The following HMGB1 variants were observed in gnomAD, a reference collection of about 807,000 sequenced individuals.
HMGB1 encodes high mobility group box 1.
For synonymous variants in HMGB1, 81 were observed against 84.0 expected (o/e 0.96, Z 0.19); for missense variants, 79 against 253.5 (o/e 0.31, Z 4.67).
At chr13:30,521,579 T>C (rs1002735784) in intron 1 of HMGB1, among the ~76,000 whole-genome samples, 2 of 152,242 alleles carry the variant, frequency 1.3e-5, no homozygotes, top group African/African-American at 4.8e-5. Flanking sequence ...ATAATATCAG[T>C]TGCATGGATA....
At chr13:30,500,296 C>T (rs7327038) in intron 1 of HMGB1, among the ~76,000 whole-genome samples, 12 of 152,076 alleles carry the variant, frequency 7.9e-5, no homozygotes, top group African/African-American at 2.7e-4. Flanking sequence ...TGTAAATTAC[C>T]GAGTCTCAGG....
intron 1 of HMGB1, among the ~76,000 whole-genome samples, chr13:30,580,499 G>A (rs991787580): frequency 2.6e-5 from 4 of 152,118 alleles, no homozygotes; most frequent in Admixed American, 2.6e-4. Flanking sequence ...GCATGATAAT[G>A]GAATTCACAG....
chr13:30,544,743 A>C (rs1319839820), intron 1 of HMGB1, among the ~76,000 whole-genome samples: 2 of 152,070 alleles, frequency 1.3e-5, no homozygotes, highest in African/African-American at 4.8e-5. Context: ...TGCTCTGTCA[A>C]ATCAATCGAA....
At chr13:30,616,376 T>A (rs1364933512) in intron 1 of HMGB1, among the ~76,000 whole-genome samples, 1 of 152,264 alleles carries the variant, frequency 6.6e-6, no homozygotes, top group South Asian at 2.1e-4. Flanking sequence ...GGTGATGTTG[T>A]TTTGCAGTCT....
rs1313808278 is a variant in HMGB1 at position 30,465,215 on chromosome 13, G to C, written c.-15+581C>G. ...CCCGGCCGCCGCCGCCGCCGCGACC[G>C]GGCCGAGGCCGGCCGGGCCCGCACT... On this transcript the variant is annotated intron_variant, in intron 1 of 4. Transcript: ENST00000341423. The C allele has an allele frequency of 1.2e-5, 7 of 561,126 alleles. No homozygotes were observed. The African/African-American group carries it at 1.5e-4, about 12-fold the overall frequency. 34.8% of individuals were successfully genotyped at this position (561,126 alleles called of 1,614,324 possible).
intron 1 of HMGB1, among the ~76,000 whole-genome samples, chr13:30,569,596 A>G (rs1183427687): frequency 6.6e-6 from 1 of 152,152 alleles, no homozygotes; most frequent in Non-Finnish European, 1.5e-5. Flanking sequence ...CAATGTTCAT[A>G]AGTGCGTCAC....
chr13:30,507,474 AG>A (rs1887894512), intron 1 of HMGB1, among the ~76,000 whole-genome samples: 1 of 152,244 alleles, frequency 6.6e-6, no homozygotes, highest in South Asian at 2.1e-4. Flanking sequence ...TGACTGAATG[AG>A]GGAACAAAGT....
chr13:30,571,162 T>C (rs1593318641), intron 1 of HMGB1, among the ~76,000 whole-genome samples: 1 of 152,192 alleles, frequency 6.6e-6, no homozygotes, highest in African/African-American at 2.4e-5. Context: ...ATTTGTGATA[T>C]ATATAGTCAT....
intron 1 of HMGB1, chr13:30,542,605 C>G (rs986616921): frequency 1.8e-5 from 3 of 164,774 alleles, no homozygotes; most frequent in African/African-American, 7.2e-5. Context: ...CTCTTCCTCT[C>G]GTCACTCACC....
chr13:30,518,869 A>G (rs1173686777), intron 1 of HMGB1, among the ~76,000 whole-genome samples: 1 of 149,104 alleles, frequency 6.7e-6, no homozygotes, highest in Non-Finnish European at 1.5e-5. Flanking sequence ...AAAAAGCTAC[A>G]TGCCACCACA....
intron 1 of HMGB1, among the ~76,000 whole-genome samples, chr13:30,515,374 C>T (rs901414615): frequency 6.6e-6 from 1 of 152,176 alleles, no homozygotes; most frequent in Admixed American, 6.5e-5. Context: ...GAACTTCTGA[C>T]CTACACAACT....
At position 30,541,067 on chromosome 13, in the gene HMGB1, T is replaced by C. The variant is rs144263979; in HGVS notation, c.-15+75604A>G. On this transcript the variant is annotated intron_variant, in intron 1 of 4. Transcript: ENST00000405805. Reference sequence around the variant, plus strand: ...CAAAAAATATGTTCATCTAGAAAACTGGACGTCATCCAAAAATGAAAAACA... The same window carrying C: ...CAAAAAATATGTTCATCTAGAAAACCGGACGTCATCCAAAAATGAAAAACA... 3.3e-3 allele frequency: 508 copies of C among 152,314 alleles called. 8 individuals carry two copies. Among genetic ancestry groups the C allele is most frequent in the African/African-American group, 0.012 (478 of 41,558 alleles). 9.4% of individuals were successfully genotyped at this position (152,314 alleles called of 1,614,324 possible).
intron 1 of HMGB1, among the ~76,000 whole-genome samples, chr13:30,479,428 C>T (rs1002644886): frequency 6.6e-6 from 1 of 152,176 alleles, no homozygotes; most frequent in Non-Finnish European, 1.5e-5. Flanking sequence ...TACCTCTTTC[C>T]GATTTCACTA....
chr13:30,515,290 T>C lies in HMGB1; in HGVS notation c.-14-51596A>G, dbSNP rs544607139. Reference sequence around the variant, plus strand: ...GAACCTGAATGAGCTTGGAAGTGGATGTGAGCTCAATTTGGCCAACACCTT... The same window carrying C: ...GAACCTGAATGAGCTTGGAAGTGGACGTGAGCTCAATTTGGCCAACACCTT... On this transcript the variant is annotated intron_variant, in intron 1 of 4. Transcript: ENST00000405805. 2.0e-5 allele frequency among the ~76,000 whole-genome samples: 3 copies of C among 152,300 alleles called. 1 individual carries two copies. The East Asian group carries it at 5.8e-4, about 29-fold the overall frequency.
chr13:30,598,964 GTGTA>G (rs1022140677), intron 1 of HMGB1, among the ~76,000 whole-genome samples: 1 of 151,740 alleles, frequency 6.6e-6, no homozygotes, highest in Non-Finnish European at 1.5e-5. Context: ...TATATTGTGT[GTGTA>G]TGTGTGTGTA....
intron 1 of HMGB1, among the ~76,000 whole-genome samples, chr13:30,515,942 T>A (rs1049884751): frequency 1.3e-5 from 2 of 152,140 alleles, no homozygotes; most frequent in Non-Finnish European, 2.9e-5. Context: ...ACTTCCGAGG[T>A]CCTTAGAAAC....
At chr13:30,518,976 G>C (rs1888163738) in intron 1 of HMGB1, among the ~76,000 whole-genome samples, 1 of 151,570 alleles carries the variant, frequency 6.6e-6, no homozygotes, top group Non-Finnish European at 1.5e-5. Flanking sequence ...CTCCTGCCTT[G>C]GCCTCCCAAG....
intron 1 of HMGB1, among the ~76,000 whole-genome samples, chr13:30,588,062 CTATT>C (rs1460167568): frequency 2.0e-5 from 3 of 152,182 alleles, no homozygotes; most frequent in South Asian, 2.1e-4. Context: ...GTCTGCCAGT[CTATT>C]TATCATATTA....
At chr13:30,537,833 A>G (rs1408479708) in intron 1 of HMGB1, among the ~76,000 whole-genome samples, 1 of 151,714 alleles carries the variant, frequency 6.6e-6, no homozygotes, top group Non-Finnish European at 1.5e-5. Context: ...ACGGCATAAG[A>G]CATTTTTCAT....
Sources: gnomAD v4.1 joint callset for allele counts (sites outside exome capture counted in the v4.1 genomes callset) on GRCh38, gnomAD v4.1.1 for gene constraint, MANE v1.5 for transcripts, NCBI Gene and HGNC (gene_info 2026-07-23, HGNC 2026-07-21) for gene names.